Variants in PMEL observed in about 807,000 individuals in gnomAD.
The protein encoded by PMEL is premelanosome protein, also known as melanocyte protein PMEL.
A neutral mutation model predicts 64.9 loss-of-function variants in PMEL; 53 were observed. The ratio of observed to expected loss-of-function variants is 0.82; its 90% CI spans 0.66 to 1.03. The LOEUF (loss-of-function observed/expected upper bound fraction) is 1.03, where lower values mean the gene tolerates loss of function less well. Among genes scored for constraint, PMEL ranks in the 50% least tolerant of loss-of-function variants. PMEL has a pLI of 0.00. For missense variants in PMEL, 716 were observed against 814.9 expected, an observed-to-expected ratio of 0.88 and a Z score of 1.48; for synonymous variants, 299 against 316.2, an observed-to-expected ratio of 0.95 and a Z score of 0.58.
At chr12:55,962,317 C>T (rs1183067045) in intron 1 of PMEL, among the ~76,000 whole-genome samples, 2 of 150,350 alleles carry the variant, frequency 1.3e-5, no homozygotes, top group African/African-American at 4.9e-5. Context: ...GTGGTGCGCA[C>T]CTGTAGTTCC....
intron 6 of PMEL, 81 bp downstream of exon 6, chr12:55,956,868 A>G (rs1294198251): frequency 2.1e-6 from 3 of 1,454,508 alleles, no homozygotes; most frequent in Non-Finnish European, 2.8e-6. Context: ...GGATTGGGTA[A>G]CATCTGAGTC....
intron 1 of PMEL, among the ~76,000 whole-genome samples, chr12:55,964,631 T>C (rs1037564663): frequency 3.9e-5 from 6 of 152,050 alleles, no homozygotes; most frequent in Admixed American, 3.3e-4. Context: ...TTTTCTTTTC[T>C]TTTTTTATTT....
In PMEL at chr12:55,956,989, A is replaced by G. The variant is rs763450698; in HGVS notation, c.1314T>C (p.Gly438=). The change falls in exon 6 of 11, where the codon GGT becomes GGC. Residue 438 remains glycine (G), a synonymous_variant. Transcript: ENST00000548747. Reference sequence around the variant, plus strand: ...TAGACATGATTGAGCTGGCATCTGGACCTTCAGGCTCAGGGATAGGTAGCT... The same window carrying G: ...TAGACATGATTGAGCTGGCATCTGGGCCTTCAGGCTCAGGGATAGGTAGCT... ...ARELPIPEPE[G]PDASSIMSTE... is the part of the protein sequence containing the mutation. The G allele has an allele frequency of 5.6e-6, 9 of 1,614,046 alleles. No individual in the cohort carries two copies. Among genetic ancestry groups the G allele is most frequent in the Non-Finnish European group, 7.6e-6 (9 of 1,180,034 alleles).
chr12:55,954,281 A>G lies in PMEL; in HGVS notation c.1919T>C (p.Leu640Pro). ...GGGACAAGAGCAGAAGATGCGGGGT[A>G]GACGCAGCCAGTGACTGCTGCTATG... ...LPHSSSHWLRLPRIFCSCPIG... is the reference protein window; with the variant it reads ...LPHSSSHWLRPPRIFCSCPIG... The change falls in exon 11 of 11, where the codon CTA becomes CCA. Residue 640 changes from leucine (L) to proline (P), a missense_variant. By Grantham distance (98) the Leu-to-Pro change is moderately conservative (BLOSUM62 -3). Coordinates refer to ENST00000548747, the MANE Select transcript of PMEL (RefSeq NM_001384361.1). 1 of 1,613,880 alleles carries G rather than the reference A, an allele frequency of 6.2e-7. No homozygotes were observed. Among genetic ancestry groups the G allele is most frequent in the Non-Finnish European group, 8.5e-7 (1 of 1,179,736 alleles).
At position 55,955,334 on chromosome 12, in the gene PMEL, G is replaced by A. The variant is rs145874882; in HGVS notation, c.1790C>T (p.Pro597Leu). The change falls in exon 10 of 11, where the codon CCG becomes CTG. Residue 597 changes from proline to leucine, a missense_variant. Pro to Leu is a moderately conservative substitution (Grantham distance 98). Transcript: ENST00000548747. ...PGQEAGLGQV[P>L]LIVGILLVLM... ...CACCAGCAAGATGCCCACGATCAGC[G>A]GAACCTGCCCAAGGCCTGCTTCTTG... The A allele has an allele frequency of 6.6e-5, 107 of 1,614,030 alleles. No individual in the cohort carries two copies. In the Admixed American group the frequency reaches 1.5e-3, roughly 23 times the overall value.
In PMEL at chr12:55,961,712, G is replaced by A; in HGVS notation, c.97C>T (p.Leu33Phe). The change falls in exon 2 of 11, where the codon CTT (leucine) becomes TTT (phenylalanine). Residue 33 changes from leucine (L) to phenylalanine (F), a missense_variant. Coordinates refer to ENST00000548747, the MANE Select transcript of PMEL (RefSeq NM_001384361.1). ...ATKVPRNQDW[L>F]GVSRQLRTKA... The stretch of plus-strand genomic sequence containing the variant: ...GTTCTGAGTTGCCTTGAGACACCAA[G>A]CCAGTCCTGGTTTCTGGGTACTAAA... 1 of 1,613,876 alleles carries A rather than the reference G, an allele frequency of 6.2e-7. No individual in the cohort carries two copies. Among genetic ancestry groups the A allele is most frequent in the Non-Finnish European group, 8.5e-7 (1 of 1,179,794 alleles).
intron 4 of PMEL, 27 bp downstream of exon 4, chr12:55,958,446 T>C (rs751650737): frequency 2.5e-6 from 4 of 1,609,648 alleles, no homozygotes; most frequent in Admixed American, 3.4e-5. Context: ...CAAGTGTGGA[T>C]GATAGGCTGA....
chr12:55,955,828 G>C lies in PMEL; in HGVS notation c.1507C>G (p.Pro503Ala), dbSNP rs1312659400. ...TCAAATGCATCCCCCTCACCGGACGGCACAGCCTGCAGGATCTCGGCACTT... is the reference window on the plus strand; with the variant it reads ...TCAAATGCATCCCCCTCACCGGACGCCACAGCCTGCAGGATCTCGGCACTT... ...IESAEILQAV[P>A]SGEGDAFELT... Residue 503 changes from proline (P) to alanine (A), a missense_variant, in exon 8 of 11, where the codon CCG becomes GCG. Coordinates refer to ENST00000548747, the MANE Select transcript of PMEL (RefSeq NM_001384361.1). 1.9e-6 allele frequency: 3 copies of C among 1,613,952 alleles called. No homozygotes were observed. Among genetic ancestry groups the C allele is most frequent in the Non-Finnish European group, 2.5e-6 (3 of 1,179,960 alleles).
At chr12:55,958,184 G>C (rs576994586) in intron 4 of PMEL, 100 bp from the exon 5 acceptor site, 2 of 1,248,060 alleles carry the variant, frequency 1.6e-6, no homozygotes, top group South Asian at 1.4e-5. Flanking sequence ...AGGTCAGGAA[G>C]TATGATTACT....
At chr12:55,955,913 CA>C (rs781544763) in intron 7 of PMEL, 50 bp from the exon 8 acceptor site, 1 of 1,518,762 alleles carries the variant, frequency 6.6e-7, no homozygotes. Flanking sequence ...CTGGCCTCCC[CA>C]AAAGCCCAGA....
At chr12:55,963,952 T>G (rs1175980935) in intron 1 of PMEL, among the ~76,000 whole-genome samples, 2 of 151,154 alleles carry the variant, frequency 1.3e-5, no homozygotes, top group Non-Finnish European at 3.0e-5. Context: ...CATTTTTCCC[T>G]TTCCTGCAGA....
At chr12:55,955,937 C>G in intron 7 of PMEL, 74 bp from the exon 8 acceptor site, 1 of 1,345,880 alleles carries the variant, frequency 7.4e-7, no homozygotes, top group Non-Finnish European at 1.1e-6. Context: ...CAGAAAAGCC[C>G]CAGGGCTGCT....
At position 55,957,819 on chromosome 12, in the gene PMEL, A is replaced by G. The variant is rs549989578; in HGVS notation, c.631+104T>C. 4.6e-6 allele frequency: 7 copies of G among 1,530,564 alleles called. No individual in the cohort carries two copies. In the Admixed American group the frequency reaches 5.5e-5, roughly 12 times the overall value. The allele number at this position is 1,530,564 out of a possible 1,614,324, so 94.8% of individuals were successfully genotyped here. A position where few individuals can be genotyped will look rare whatever the true frequency, so the allele number is the denominator to read the frequency against. On this transcript the variant is annotated intron_variant, in intron 5 of 10. Transcript: ENST00000548747. ...CTGCCTAGGTCTTCCTGGCCCTTCT[A>G]CTTTAAGTTTGCACAGCATTTCACC... is the stretch of plus-strand genomic sequence containing the variant.
chr12:55,962,470 A>AAC (rs1889140250), intron 1 of PMEL, among the ~76,000 whole-genome samples: 9 of 142,388 alleles, frequency 6.3e-5, no homozygotes, highest in Non-Finnish European at 7.6e-5. Flanking sequence ...AAAAAAAAAA[A>AAC]ACACAAAAAA....
At chr12:55,965,630 AAAAG>A (rs1171977786) in intron 1 of PMEL, among the ~76,000 whole-genome samples, 2 of 152,124 alleles carry the variant, frequency 1.3e-5, no homozygotes, top group African/African-American at 2.4e-5. Context: ...GACGTTTCCT[AAAAG>A]AGTCTCCTGC....
intron 10 of PMEL, among the ~76,000 whole-genome samples, 170 bp downstream of exon 10, chr12:55,955,104 C>T (rs915107854): frequency 2.0e-5 from 3 of 152,202 alleles, no homozygotes; most frequent in Non-Finnish European, 4.4e-5. Context: ...CTACTTCCCC[C>T]AGGTCCTACA....
intron 10 of PMEL, 128 bp from the exon 11 acceptor site, chr12:55,954,477 C>T: frequency 1.1e-6 from 1 of 903,140 alleles, no homozygotes; most frequent in Admixed American, 2.3e-5. Flanking sequence ...TCCCCTTCTC[C>T]TCACCTCCAG....
intron 3 of PMEL, chr12:55,961,075 G>T (rs1889084181): frequency 2.6e-6 from 1 of 388,480 alleles, no homozygotes. Context: ...CATGGTGGCA[G>T]GCGCCTGTAG....
upstream of PMEL, chr12:55,966,275 C>A: frequency 1.8e-6 from 1 of 554,014 alleles, no homozygotes. Context: ...AACTGAAAGG[C>A]AGCTGCGTAA....
Sources: gnomAD v4.1 joint callset for allele counts (sites outside exome capture counted in the v4.1 genomes callset) on GRCh38, gnomAD v4.1.1 for gene constraint, MANE v1.5 for transcripts, NCBI Gene and HGNC (gene_info 2026-07-23, HGNC 2026-07-21) for gene names.